Variants in ZNF718 observed in about 807,000 individuals in gnomAD.
The protein encoded by ZNF718 is zinc finger protein 718.
A neutral mutation model predicts 2.6 loss-of-function variants in ZNF718; 3 were observed. The ratio of observed to expected loss-of-function variants is 1.16; its 90% CI spans 0.53 to 3.01. The LOEUF is 3.01. ZNF718 is among the 30% of genes most tolerant of loss of function. The pLI is 0.03. For missense variants in ZNF718, 468 were observed against 230.0 expected (o/e 2.03, Z -6.69); for synonymous variants, 135 against 77.9 (o/e 1.73, Z -3.86).
intron 3 of ZNF718, among the ~76,000 whole-genome samples, chr4:197,401 GACTCTCAA>G (rs1349017261): frequency 1.3e-5 from 2 of 152,098 alleles, no homozygotes; most frequent in Non-Finnish European, 1.5e-5. Context: ...TGGAACACAG[GACTCTCAA>G]ACCAGTGCTT....
At chr4:195,738 G>T (rs1553821903) in intron 3 of ZNF718, among the ~76,000 whole-genome samples, 1 of 152,162 alleles carries the variant, frequency 6.6e-6, no homozygotes, top group African/African-American at 2.4e-5. Context: ...ACTGGGTTAA[G>T]AATTTTTTAT....
At chr4:172,487 T>C (rs1304614657) in intron 3 of ZNF718, among the ~76,000 whole-genome samples, 1 of 152,226 alleles carries the variant, frequency 6.6e-6, no homozygotes, top group Non-Finnish European at 1.5e-5. Flanking sequence ...TAAAACTCTA[T>C]GTGTGTTAAT....
At position 130,474 on chromosome 4, in the gene ZNF718, G is replaced by A. The variant is rs1328452869; in HGVS notation, c.4-314G>A. Among the ~76,000 whole-genome samples the A allele has an allele frequency of 2.4e-4, 25 of 102,936 alleles. 9 individuals carry two copies. Among genetic ancestry groups the A allele is most frequent in the Non-Finnish European group, 5.4e-4 (25 of 46,466 alleles). The allele number at this position is 102,936 out of a possible 152,430, so 67.5% of individuals were successfully genotyped here. A position where few individuals can be genotyped will look rare whatever the true frequency, so the allele number is the denominator to read the frequency against. On this transcript the variant is annotated intron_variant, in intron 1 of 3. Coordinates refer to ENST00000510175, the MANE Select transcript of ZNF718 (RefSeq NM_001039127.6). ...GAAAAATTCCTGTTTTTGGTTAGGC[G>A]CGGTGGCTCACGCCTGTAATCCCAG...
chr4:139,110 T>G (rs782405638), intron 3 of ZNF718, among the ~76,000 whole-genome samples: 1 of 152,228 alleles, frequency 6.6e-6, no homozygotes, highest in African/African-American at 2.4e-5. Flanking sequence ...ACTTCCTGTT[T>G]AGAAGCTCGT....
chr4:161,982 A>C lies in ZNF718; in HGVS notation c.1297A>C (p.Lys433Gln). The C allele has an allele frequency of 1.3e-6, 1 of 780,108 alleles. No homozygotes were observed. The highest frequency in any genetic ancestry group is 2.3e-4 in the Middle Eastern group (1 of 4,440). The allele number at this position is 780,108 out of a possible 1,614,324, so 48.3% of individuals were successfully genotyped here. A position where few individuals can be genotyped will look rare whatever the true frequency, so the allele number is the denominator to read the frequency against. ...ATGTAAACAATGTGGCAAAGCCTTT[A>C]AACAGTCCTCACACTTGAATAAACA... ...YICKQCGKAFKQSSHLNKHKK... is the reference protein window; with the variant it reads ...YICKQCGKAFQQSSHLNKHKK... The change falls in exon 4 of 4, where the codon AAA becomes CAA. Residue 433 changes from lysine to glutamine, a missense_variant. Coordinates refer to ENST00000510175, the MANE Select transcript of ZNF718 (RefSeq NM_001039127.6).
chr4:178,798 C>G (rs1717399538), intron 3 of ZNF718, among the ~76,000 whole-genome samples: 1 of 152,108 alleles, frequency 6.6e-6, no homozygotes, highest in Non-Finnish European at 1.5e-5. Context: ...GATGTTAATT[C>G]CTGTCGAATA....
chr4:146,784 A>T (rs1553811459), intron 3 of ZNF718, among the ~76,000 whole-genome samples: 2 of 146,836 alleles, frequency 1.4e-5, no homozygotes, highest in Admixed American at 1.4e-4. Context: ...TTTTTTTTTT[A>T]TATAGCTGAG....
chr4:192,769 T>C (rs1453965565), intron 3 of ZNF718, among the ~76,000 whole-genome samples: 2 of 152,168 alleles, frequency 1.3e-5, no homozygotes, highest in Non-Finnish European at 2.9e-5. Flanking sequence ...ATTTGAAGAA[T>C]GATTTGTAGT....
rs1430738574 is a variant in ZNF718 at position 130,068 on chromosome 4, A to G, written c.4-720A>G. The stretch of plus-strand genomic sequence containing the variant: ...CTTGCAGAGAATGCCGTATTTCAAG[A>G]TGATGATTGGTGGTCTTGTCTTCGG... On this transcript the variant is annotated intron_variant, in intron 1 of 3. Transcript: ENST00000510175. Among the ~76,000 whole-genome samples the G allele has an allele frequency of 5.7e-5, 6 of 104,546 alleles. 2 individuals are homozygous for G. The highest frequency in any genetic ancestry group is 6.4e-5 in the Non-Finnish European group (3 of 46,848). 68.6% of individuals were successfully genotyped at this position (104,546 alleles called of 152,430 possible).
At chr4:196,636 C>T (rs1050428113) in intron 3 of ZNF718, among the ~76,000 whole-genome samples, 1 of 152,106 alleles carries the variant, frequency 6.6e-6, no homozygotes, top group African/African-American at 2.4e-5. Context: ...GCACCGTGAT[C>T]TCAACCAGCT....
chr4:144,643 A>G (rs549749087), intron 3 of ZNF718, among the ~76,000 whole-genome samples: 2 of 152,320 alleles, frequency 1.3e-5, no homozygotes, highest in East Asian at 1.9e-4. Flanking sequence ...TCATGAACAT[A>G]AAATATCTTT....
chr4:141,040 A>G (rs1327314560), intron 3 of ZNF718, among the ~76,000 whole-genome samples: 1 of 152,190 alleles, frequency 6.6e-6, no homozygotes, highest in African/African-American at 2.4e-5. Flanking sequence ...ATTCTATCCG[A>G]AGTCTCTTCT....
chr4:181,158 CTTTTTT>C (rs782164295), intron 3 of ZNF718, among the ~76,000 whole-genome samples: 9 of 51,086 alleles, frequency 1.8e-4, no homozygotes, highest in African/African-American at 5.9e-4. Context: ...CAGTGCCCAG[CTTTTTT>C]TTTTTTTTTT....
intron 3 of ZNF718, among the ~76,000 whole-genome samples, chr4:155,014 G>C (rs1240545443): frequency 6.6e-6 from 1 of 152,214 alleles, no homozygotes; most frequent in Non-Finnish European, 1.5e-5. Flanking sequence ...ACAGGGTCAA[G>C]GTACAGCTTA....
At chr4:191,484 A>C (rs1241684123) in intron 3 of ZNF718, among the ~76,000 whole-genome samples, 2 of 152,124 alleles carry the variant, frequency 1.3e-5, no homozygotes, top group African/African-American at 4.8e-5. Context: ...CAGTGGGTCA[A>C]AAAATAAGGA....
intron 3 of ZNF718, among the ~76,000 whole-genome samples, chr4:151,181 CA>C (rs1553812451): frequency 6.6e-6 from 1 of 152,168 alleles, no homozygotes; most frequent in Non-Finnish European, 1.5e-5. Context: ...CAGCTCCCTG[CA>C]ACTTCTGCCT....
intron 3 of ZNF718, among the ~76,000 whole-genome samples, chr4:175,852 C>CTTTTTTTTTTTTTTTTTTTTTTT (rs1158577358): frequency 2.0e-5 from 2 of 98,932 alleles, no homozygotes; most frequent in Non-Finnish European, 3.9e-5. Context: ...GATTAACAGT[C>CTTTTTTTTTTTTTTTTTTTTTTT]TTTTTTTTTT....
chr4:195,215 C>T (rs781462155), intron 3 of ZNF718, among the ~76,000 whole-genome samples: 4 of 152,160 alleles, frequency 2.6e-5, no homozygotes, highest in African/African-American at 4.8e-5. Flanking sequence ...CCTTTTGAGT[C>T]AGGATTGAGA....
chr4:174,611 C>T (rs549841677), intron 3 of ZNF718, among the ~76,000 whole-genome samples: 2 of 152,278 alleles, frequency 1.3e-5, no homozygotes, highest in South Asian at 2.1e-4. Context: ...AACAAGAAAC[C>T]TAGCTAACAG....
Sources: allele counts gnomAD v4.1 joint callset (sites outside exome capture counted in the v4.1 genomes callset), GRCh38; gene constraint gnomAD v4.1.1; transcripts MANE v1.5; gene names NCBI Gene and HGNC (gene_info 2026-07-23, HGNC 2026-07-21).